Variants in MS4A13 observed in about 807,000 individuals in gnomAD.
MS4A13 encodes membrane-spanning 4-domains subfamily A member 13.
In MS4A13, 21 loss-of-function variants were observed where a neutral mutation model predicts 18.4. The observed-to-expected ratio is 1.14, with a 90% CI of 0.81 to 1.64. MS4A13 has a LOEUF of 1.64. MS4A13 is among the 40% of genes most tolerant of loss of function. MS4A13 has a pLI of 0.00. For missense variants in MS4A13, 173 were observed against 176.8 expected, an observed-to-expected ratio of 0.98 and a Z score of 0.12; for synonymous variants, 62 against 57.2, an observed-to-expected ratio of 1.08 and a Z score of -0.38.
At chr11:60,519,289 C>A in intron 3 of MS4A13, among the ~76,000 whole-genome samples, 1 of 152,094 alleles carries the variant, frequency 6.6e-6, no homozygotes, top group East Asian at 1.9e-4. Context: ...CACAGGACAG[C>A]ACCTCACAAC....
intron 3 of MS4A13, among the ~76,000 whole-genome samples, chr11:60,522,703 T>C (rs1475454161): frequency 6.6e-6 from 1 of 152,124 alleles, no homozygotes; most frequent in Non-Finnish European, 1.5e-5. Flanking sequence ...AAATGATACA[T>C]GGTTCATAAA....
chr11:60,540,021 G>T (rs1410969379), intron 6 of MS4A13, among the ~76,000 whole-genome samples: 1 of 152,220 alleles, frequency 6.6e-6, no homozygotes. Context: ...GCCAGTAAAA[G>T]TAATTATGTA....
chr11:60,533,486 G>C (rs2086788299), intron 6 of MS4A13, among the ~76,000 whole-genome samples: 2 of 105,396 alleles, frequency 1.9e-5, no homozygotes, highest in South Asian at 4.2e-4. Flanking sequence ...AGAATAAAAA[G>C]AAATGAGCAA....
rs2086631739 is a variant in MS4A13, at chr11:60,515,567, C to G, written c.-169C>G. ...CTCGGACTGGGTCCTGGACGAGCGC[C>G]CCCCGAAACTCCTTGGAACCTTGAA... On this transcript the variant is annotated 5_prime_UTR_variant, in exon 1 of 7. Transcript: ENST00000378186. The G allele has an allele frequency of 6.6e-6, 1 of 152,192 alleles. No homozygotes were observed. Among genetic ancestry groups the G allele is most frequent in the Non-Finnish European group, 1.5e-5 (1 of 68,060 alleles). The allele number at this position is 152,192 out of a possible 1,614,324, so 9.4% of individuals were successfully genotyped here.
At position 60,515,428 on chromosome 11, in the gene MS4A13, T is replaced by C. The variant is rs1351606026; in HGVS notation, c.-308T>C. 2.0e-5 allele frequency: 3 copies of C among 152,326 alleles called. No individual in the cohort carries two copies. The highest frequency in any genetic ancestry group is 2.9e-5 in the Non-Finnish European group (2 of 68,112). The allele number at this position is 152,326 out of a possible 1,614,324, so 9.4% of individuals were successfully genotyped here. Reference sequence around the variant, plus strand: ...AGGAGCCTGAGAGCCGGCCGGGTGCTGGGCTCCTGGCTATCCCTGTGATGG... The same window carrying C: ...AGGAGCCTGAGAGCCGGCCGGGTGCCGGGCTCCTGGCTATCCCTGTGATGG... On this transcript the variant is annotated 5_prime_UTR_variant, in exon 1 of 7. Transcript: ENST00000378186.
intron 5 of MS4A13, among the ~76,000 whole-genome samples, chr11:60,526,292 C>T (rs78245545): frequency 0.014 from 2,126 of 152,216 alleles, 25 homozygotes; most frequent in African/African-American, 0.025. Flanking sequence ...TGTCCAGTTG[C>T]CCTGAACATT....
At position 60,522,364 on chromosome 11, in the gene MS4A13, G is replaced by A. The variant is rs185743926; in HGVS notation, c.130-1533G>A. ...AGAGAGTCAAAATTTCAATTCATTC[G>A]AAAAGAGGAATGGCCAAGGGGTCAA... On this transcript the variant is annotated intron_variant, in intron 3 of 6. Transcript: ENST00000378186. Among the ~76,000 whole-genome samples the A allele has an allele frequency of 7.4e-4, 113 of 151,834 alleles. 1 individual carries two copies. The highest frequency in any genetic ancestry group is 2.5e-3 in the African/African-American group (102 of 41,408).
At position 60,525,578 on chromosome 11, in the gene MS4A13, T is replaced by A. The variant is rs1329374898; in HGVS notation, c.306+252T>A. Reference sequence around the variant, plus strand: ...AAAATTTGAAAGCTTCAGTGGCAAGTGTCTATGTATTAGGCACAGAGCCAC... The same window carrying A: ...AAAATTTGAAAGCTTCAGTGGCAAGAGTCTATGTATTAGGCACAGAGCCAC... On this transcript the variant is annotated intron_variant, in intron 5 of 6. Coordinates refer to ENST00000378186, the MANE Select transcript of MS4A13 (RefSeq NM_001012417.3). Among the ~76,000 whole-genome samples the A allele has an allele frequency of 3.3e-5, 5 of 152,362 alleles. No homozygotes were observed. The East Asian group carries it at 9.6e-4, about 29-fold the overall frequency.
chr11:60,531,712 C>G (rs1590877440), intron 6 of MS4A13, among the ~76,000 whole-genome samples: 1 of 152,224 alleles, frequency 6.6e-6, no homozygotes, highest in South Asian at 2.1e-4. Flanking sequence ...TCTGAGGCAT[C>G]TCTCTTTGGC....
chr11:60,540,589 A>T (rs1422971581), intron 6 of MS4A13, among the ~76,000 whole-genome samples: 2 of 152,222 alleles, frequency 1.3e-5, no homozygotes, highest in Non-Finnish European at 2.9e-5. Context: ...AGCTAAAAAT[A>T]TAATAGCTTA....
chr11:60,540,891 G>T (rs1358199933), intron 6 of MS4A13, among the ~76,000 whole-genome samples: 1 of 151,266 alleles, frequency 6.6e-6, no homozygotes, highest in Non-Finnish European at 1.5e-5. Flanking sequence ...GGAGGTCAAG[G>T]CTGCAATGAG....
At chr11:60,529,833 T>G (rs982866542) in intron 6 of MS4A13, among the ~76,000 whole-genome samples, 2 of 152,214 alleles carry the variant, frequency 1.3e-5, no homozygotes, top group African/African-American at 4.8e-5. Flanking sequence ...AGAAATATCT[T>G]TCCATTACAA....
chr11:60,531,766 CTTTA>C (rs1215115365), intron 6 of MS4A13, among the ~76,000 whole-genome samples: 2 of 152,158 alleles, frequency 1.3e-5, no homozygotes, highest in Non-Finnish European at 2.9e-5. Context: ...ATGGTCTTCT[CTTTA>C]TTTGTCTGTG....
At chr11:60,526,726 C>T (rs2086715856) in intron 5 of MS4A13, among the ~76,000 whole-genome samples, 1 of 152,192 alleles carries the variant, frequency 6.6e-6, no homozygotes, top group Non-Finnish European at 1.5e-5. Flanking sequence ...AAGCAAGGGG[C>T]TTGGCTAAAT....
At chr11:60,527,358 TTCCGTCTCTCTCTCTCTC>T (rs1425059879) in intron 5 of MS4A13, among the ~76,000 whole-genome samples, 4 of 81,998 alleles carry the variant, frequency 4.9e-5, no homozygotes, top group African/African-American at 1.4e-4. Flanking sequence ...AACTCATTCA[TTCCGTCTCTCTCTCTCTC>T]TCTCTCTCTC....
At chr11:60,538,606 C>A (rs1187751277) in intron 6 of MS4A13, among the ~76,000 whole-genome samples, 1 of 151,304 alleles carries the variant, frequency 6.6e-6, no homozygotes, top group Admixed American at 6.6e-5. Flanking sequence ...ATTGCAGGGA[C>A]AGTACAGAAA....
chr11:60,521,887 G>T (rs1007804177), intron 3 of MS4A13, among the ~76,000 whole-genome samples: 15 of 152,158 alleles, frequency 9.9e-5, no homozygotes, highest in African/African-American at 2.4e-4. Context: ...AAAGATAGAG[G>T]TTTGTTGGAC....
intron 6 of MS4A13, among the ~76,000 whole-genome samples, chr11:60,532,452 C>T (rs1039840788): frequency 2.0e-4 from 31 of 152,212 alleles, no homozygotes; most frequent in Non-Finnish European, 4.1e-4. Context: ...CCGAATATTG[C>T]GCTTTTCAGA....
At chr11:60,517,671 A>G (rs965036522) in intron 2 of MS4A13, among the ~76,000 whole-genome samples, 2 of 152,184 alleles carry the variant, frequency 1.3e-5, no homozygotes, top group Admixed American at 6.5e-5. Flanking sequence ...TAAATTACTA[A>G]TGTACAAGAA....
Sources: allele counts gnomAD v4.1 joint callset (sites outside exome capture counted in the v4.1 genomes callset), GRCh38; gene constraint gnomAD v4.1.1; transcripts MANE v1.5; gene names NCBI Gene and HGNC (gene_info 2026-07-23, HGNC 2026-07-21).